Variants in GLS observed in about 807,000 individuals in gnomAD.
The protein encoded by GLS is glutaminase kidney isoform, mitochondrial.
A neutral mutation model predicts 86.7 loss-of-function variants in GLS; 36 were observed. The observed-to-expected ratio is 0.42, with a 90% CI of 0.32 to 0.55. The LOEUF (loss-of-function observed/expected upper bound fraction) is 0.55, where lower values mean the gene tolerates loss of function less well. Among genes scored for constraint, GLS ranks in the 20% least tolerant of loss-of-function variants. The pLI is 0.17. For synonymous variants in GLS, 317 were observed against 305.9 expected (o/e 1.04, Z -0.38); for missense variants, 528 against 833.4 (o/e 0.63, Z 4.51).
At chr2:190,903,213 T>A (rs188573896) in intron 5 of GLS, among the ~76,000 whole-genome samples, 3 of 152,160 alleles carry the variant, frequency 2.0e-5, no homozygotes, top group Non-Finnish European at 4.4e-5. Context: ...TGATTTTAAT[T>A]TTTTTTTACT....
chr2:190,957,870 T>A (rs1488562895), intron 17 of GLS, among the ~76,000 whole-genome samples: 2 of 152,172 alleles, frequency 1.3e-5, no homozygotes, highest in Non-Finnish European at 2.9e-5. Flanking sequence ...GAAATTTTCT[T>A]TTTTTGTTGT....
chr2:190,891,237 C>A (rs1349946119), intron 1 of GLS, among the ~76,000 whole-genome samples: 1 of 152,122 alleles, frequency 6.6e-6, no homozygotes, highest in African/African-American at 2.4e-5. Flanking sequence ...GTATTTGTCT[C>A]ATGGCTTTAG....
rs1198763312 is a variant in GLS at position 190,964,942 on chromosome 2, G to A, written c.*1956G>A. 1 of 152,108 alleles carries A rather than the reference G, an allele frequency of 6.6e-6. No homozygotes were observed. The highest frequency in any genetic ancestry group is 1.5e-5 in the Non-Finnish European group (1 of 68,008). The allele number at this position is 152,108 out of a possible 1,614,324, so 9.4% of individuals were successfully genotyped here. ...TAACCATTATTTGGGAACAAAGAGA[G>A]TTTTCATCTTTTTTCAGATCAAAAC... On this transcript the variant is annotated 3_prime_UTR_variant, in exon 18 of 18. Transcript: ENST00000320717. This position sits in a 1 kb window ranked among gnomAD's most constrained non-coding sequence, Gnocchi z 5.2.
chr2:190,904,006 A>C (rs940051892), intron 5 of GLS, among the ~76,000 whole-genome samples: 3 of 152,246 alleles, frequency 2.0e-5, no homozygotes, highest in South Asian at 4.1e-4. Flanking sequence ...TTCATTCCCA[A>C]ATCTTTTCTC....
chr2:190,953,631 G>A lies in GLS; in HGVS notation c.1712+5G>A. The stretch of plus-strand genomic sequence containing the variant: ...AGATGTGTCTGCACTTCGAAGGTAT[G>A]TTTACAGGATGGATTAGCATGCACT... On this transcript the variant is annotated splice_donor_5th_base_variant and intron_variant, in intron 15 of 17. Transcript: ENST00000320717. This position sits in a 1 kb window ranked among gnomAD's most constrained non-coding sequence, Gnocchi z 4.0. The A allele has an allele frequency of 6.3e-7, 1 of 1,582,176 alleles. No individual in the cohort carries two copies. Among genetic ancestry groups the A allele is most frequent in the Non-Finnish European group, 8.7e-7 (1 of 1,151,070 alleles).
chr2:190,881,092 G>A lies in GLS; in HGVS notation c.8G>A (p.Arg3Gln). The change falls in exon 1 of 18, where the codon CGG (arginine) becomes CAG (glutamine). Residue 3 changes from arginine (R) to glutamine (Q), a missense_variant. Around this residue, in one of 4 missense-constraint regions of GLS, gnomAD observed 224 missense variants for 187.9 expected, o/e 1.19. Coordinates refer to ENST00000320717, the MANE Select transcript of GLS (RefSeq NM_014905.5). MM[R>Q]LRGSGMLRDL... The stretch of plus-strand genomic sequence containing the variant: ...GCTGACGGACCCGGCGGCATGATGC[G>A]GCTGCGAGGCTCGGGGATGCTGCGG... 6.4e-7 allele frequency: 1 copy of A among 1,560,704 alleles called. No individual in the cohort carries two copies. The highest frequency in any genetic ancestry group is 8.6e-7 in the Non-Finnish European group (1 of 1,160,856).
chr2:190,898,998 C>T (rs771422701), intron 3 of GLS, among the ~76,000 whole-genome samples: 1 of 152,184 alleles, frequency 6.6e-6, no homozygotes, highest in African/African-American at 2.4e-5. Context: ...TAAATTTGTT[C>T]AGCAGCTCTC....
At chr2:190,932,803 A>G (rs759304986) in intron 14 of GLS, 3 of 1,606,434 alleles carry the variant, frequency 1.9e-6, no homozygotes, top group Admixed American at 3.4e-5. Context: ...ACCTGAGTCA[A>G]ATGAGGACAT....
At chr2:190,927,538 T>G (rs756578645) in intron 12 of GLS, 56 bp downstream of exon 12, 2 of 1,256,778 alleles carry the variant, frequency 1.6e-6, no homozygotes, top group Non-Finnish European at 2.2e-6. Flanking sequence ...GAACTGGTTC[T>G]TTTAAAAATG....
At chr2:190,909,416 C>T (rs1309696112) in intron 6 of GLS, among the ~76,000 whole-genome samples, 1 of 152,000 alleles carries the variant, frequency 6.6e-6, no homozygotes, top group Admixed American at 6.6e-5. Context: ...TGAACTTATT[C>T]CCCCTGTGTA....
In GLS at chr2:190,880,831, C is replaced by T; in HGVS notation, c.-254C>T. On this transcript the variant is annotated 5_prime_UTR_variant, in exon 1 of 18. Transcript: ENST00000320717. ...CTGCGCTTTAGCCTCAGTGCGGAGC[C>T]TTAGGCGGAGCGAAGAGAACCGGTC... The T allele has an allele frequency of 2.6e-6, 2 of 758,994 alleles. No individual in the cohort carries two copies. The highest frequency in any genetic ancestry group is 1.5e-5 in the South Asian group (1 of 67,232). 47.0% of individuals were successfully genotyped at this position (758,994 alleles called of 1,614,324 possible). A position where few individuals can be genotyped will look rare whatever the true frequency, so the allele number is the denominator to read the frequency against.
chr2:190,960,222 T>C (rs1690966188), intron 17 of GLS, among the ~76,000 whole-genome samples: 1 of 151,952 alleles, frequency 6.6e-6, no homozygotes, highest in Non-Finnish European at 1.5e-5. Flanking sequence ...AAGTTTAGAA[T>C]GGGAAAAAAA....
chr2:190,944,078 G>T (rs57556341), intron 14 of GLS, among the ~76,000 whole-genome samples: 5 of 152,200 alleles, frequency 3.3e-5, no homozygotes, highest in African/African-American at 1.2e-4. Context: ...CTAAAACCGT[G>T]TTGTTTCACA....
At chr2:190,904,727 A>G (rs1279870531) in intron 5 of GLS, among the ~76,000 whole-genome samples, 1 of 152,182 alleles carries the variant, frequency 6.6e-6, no homozygotes, top group African/African-American at 2.4e-5. Context: ...ACACATGGGA[A>G]GATGTGTGTA....
rs114800211 is a variant in GLS at position 190,906,016 on chromosome 2, A to T, written c.979+849A>T. ...TTTTATTAGTTTGTAAGATGAAGTC[A>T]TAAGACTGGTATTTTCTTATGCTTC... On this transcript the variant is annotated intron_variant, in intron 6 of 17. Coordinates refer to ENST00000320717, the MANE Select transcript of GLS (RefSeq NM_014905.5). Among the ~76,000 whole-genome samples the T allele has an allele frequency of 3.1e-3, 470 of 152,266 alleles. 4 individuals are homozygous for T. The highest frequency in any genetic ancestry group is 0.011 in the African/African-American group (443 of 41,570).
chr2:190,939,201 T>C (rs1298891551), intron 14 of GLS, among the ~76,000 whole-genome samples: 1 of 151,678 alleles, frequency 6.6e-6, no homozygotes, highest in African/African-American at 2.4e-5. Flanking sequence ...GTTTATTTAC[T>C]CTGTCTATAG....
chr2:190,954,550 T>C lies in GLS; in HGVS notation c.1713-34T>C, dbSNP rs1360204023. 3 of 1,447,292 alleles carry C rather than the reference T, an allele frequency of 2.1e-6. No homozygotes were observed. Among genetic ancestry groups the C allele is most frequent in the South Asian group, 2.4e-5 (2 of 84,624 alleles). The allele number at this position is 1,447,292 out of a possible 1,614,324, so 89.7% of individuals were successfully genotyped here. A position where few individuals can be genotyped will look rare whatever the true frequency, so the allele number is the denominator to read the frequency against. On this transcript the variant is annotated intron_variant, in intron 15 of 17. Coordinates refer to ENST00000320717, the MANE Select transcript of GLS (RefSeq NM_014905.5). The surrounding 1 kb of genome is among the most constrained non-coding windows in gnomAD (Gnocchi z 4.0). ...ACCAGTGTGAATTAAATTTGCTTTA[T>C]ATATAATAAATAGCTGTGCTTACAC...
intron 1 of GLS, among the ~76,000 whole-genome samples, chr2:190,885,265 C>T (rs1203323476): frequency 6.7e-6 from 1 of 149,776 alleles, no homozygotes; most frequent in Non-Finnish European, 1.5e-5. Flanking sequence ...GATCTCGGTT[C>T]ACTGCAACCT....
intron 17 of GLS, among the ~76,000 whole-genome samples, chr2:190,961,687 C>CGTTTTTT (rs1172048241): frequency 1.0e-3 from 63 of 61,812 alleles, no homozygotes; most frequent in African/African-American, 3.3e-3. Context: ...CTTAATTCAG[C>CGTTTTTT]TGTTTTTTTT....
Sources: gnomAD v4.1 joint callset for allele counts (sites outside exome capture counted in the v4.1 genomes callset) on GRCh38, gnomAD v4.1.1 for gene constraint, gnomAD v4.1.1 regional missense constraint, Gnocchi (gnomAD v3.1) non-coding constraint, MANE v1.5 for transcripts, NCBI Gene and HGNC (gene_info 2026-07-23, HGNC 2026-07-21) for gene names.